ACP1: variants seen among roughly 807,000 people sequenced by gnomAD.
The protein encoded by ACP1 is low molecular weight phosphotyrosine protein phosphatase.
In ACP1, 23 loss-of-function variants were observed where a neutral mutation model predicts 23.4. That is an observed-to-expected ratio of 0.98 (90% CI 0.71 to 1.39). ACP1 has a LOEUF of 1.39. Among genes scored for constraint, ACP1 ranks in the 40% most tolerant of loss-of-function variants. The probability of loss-of-function intolerance (pLI) is 0.00; values close to 1 mark genes in which losing one functional copy is unlikely to be tolerated. For missense variants in ACP1, 180 were observed against 197.7 expected, an observed-to-expected ratio of 0.91 and a Z score of 0.54; for synonymous variants, 72 against 67.2, an observed-to-expected ratio of 1.07 and a Z score of -0.35.
chr2:275,239 C>T, intron 4 of ACP1, 38 bp downstream of exon 4: 2 of 1,203,012 alleles, frequency 1.7e-6, no homozygotes, highest in East Asian at 2.4e-5. Flanking sequence ...GTTCAACTCT[C>T]AGTTCAGCAG....
chr2:269,728 C>G, intron 1 of ACP1, among the ~76,000 whole-genome samples: 1 of 152,164 alleles, frequency 6.6e-6, no homozygotes, highest in East Asian at 1.9e-4. Context: ...AGCCATAAAA[C>G]CTAGAAAGAT....
intron 1 of ACP1, among the ~76,000 whole-genome samples, chr2:265,448 A>C (rs1334673453): frequency 1.3e-5 from 2 of 152,330 alleles, no homozygotes; most frequent in Non-Finnish European, 2.9e-5. Context: ...TCTGAGTTAA[A>C]GGGAGATGAA....
In ACP1 at chr2:264,990, T is replaced by C; in HGVS notation, c.26T>C (p.Val9Ala). 1 of 1,613,200 alleles carries C rather than the reference T, an allele frequency of 6.2e-7. No individual in the cohort carries two copies. Among genetic ancestry groups the C allele is most frequent in the Non-Finnish European group, 8.5e-7 (1 of 1,179,622 alleles). Residue 9 changes from valine to alanine, a missense_variant, in exon 1 of 6, where the codon GTG (valine) becomes GCG (alanine). Transcript: ENST00000272065. ...ATGGCGGAACAGGCTACCAAGTCCG[T>C]GCTGTTTGTGTGTCTGGGTAAGAGG... The part of the protein sequence containing the change: MAEQATKS[V>A]LFVCLGNICR...
chr2:277,019 A>G lies in ACP1; in HGVS notation c.333A>G (p.Lys111=), dbSNP rs1324591404. ...NRKSNQVKTC[K]AKIELLGSYD... ...AAAGTAATCAAGTTAAAACCTGCAA[A>G]GCTAAAATTGAACTACTTGGGAGCT... is the stretch of plus-strand genomic sequence containing the variant. Residue 111 remains lysine, a synonymous_variant, in exon 5 of 6, where the codon AAA becomes AAG. Transcript: ENST00000272065. The G allele has an allele frequency of 6.2e-7, 1 of 1,611,942 alleles. No individual in the cohort carries two copies. The highest frequency in any genetic ancestry group is 8.5e-7 in the Non-Finnish European group (1 of 1,179,130).
chr2:277,132 T>G, intron 5 of ACP1, 47 bp downstream of exon 5: 1 of 1,571,726 alleles, frequency 6.4e-7, no homozygotes, highest in Non-Finnish European at 8.8e-7. Context: ...CCCAACACAT[T>G]TGTATCCTGC....
At chr2:269,888 C>T (rs1443531697) in intron 1 of ACP1, among the ~76,000 whole-genome samples, 1 of 152,212 alleles carries the variant, frequency 6.6e-6, no homozygotes, top group East Asian at 1.9e-4. Context: ...TTCTACACAG[C>T]TGTGCATTGG....
chr2:268,023 G>T (rs1482432024), intron 1 of ACP1, among the ~76,000 whole-genome samples: 1 of 152,158 alleles, frequency 6.6e-6, no homozygotes, highest in Non-Finnish European at 1.5e-5. Flanking sequence ...GTACATAAAG[G>T]CAGTGGACCA....
intron 1 of ACP1, among the ~76,000 whole-genome samples, chr2:267,644 A>G (rs74425679): frequency 0.018 from 2,757 of 152,330 alleles, 35 homozygotes; most frequent in Middle Eastern, 0.065. Flanking sequence ...CTCAGTCAGG[A>G]TTCCTCATCT....
rs751430735 is a variant in ACP1, at chr2:272,053, C to G, written c.134C>G (p.Ala45Gly). ...NISENWRVDS[A>G]ATSGYEIGNP... ...CCCCTGCAGTGGAGGGTAGACAGCG[C>G]GGCAACTTCCGGGTATGAGATAGGG... The change falls in exon 3 of 6, where the codon GCG becomes GGG. Residue 45 changes from alanine (A) to glycine (G), a missense_variant. Physicochemically the swap from Ala to Gly is moderately conservative, Grantham distance 60. Coordinates refer to ENST00000272065, the MANE Select transcript of ACP1 (RefSeq NM_004300.4). The G allele has an allele frequency of 1.2e-6, 2 of 1,613,656 alleles. No homozygotes were observed. Among genetic ancestry groups the G allele is most frequent in the East Asian group, 2.2e-5 (1 of 44,872 alleles).
At chr2:266,871 G>T (rs917735762) in intron 1 of ACP1, among the ~76,000 whole-genome samples, 1 of 151,742 alleles carries the variant, frequency 6.6e-6, no homozygotes. Context: ...TCTCTTTGCC[G>T]TATCTGAATT....
intron 1 of ACP1, among the ~76,000 whole-genome samples, chr2:271,011 A>T (rs1477896663): frequency 1.3e-5 from 2 of 152,162 alleles, no homozygotes. Flanking sequence ...TAAAGTAAGG[A>T]TGGCCCTGAT....
At chr2:271,288 T>A (rs1366087852) in intron 1 of ACP1, among the ~76,000 whole-genome samples, 2 of 152,182 alleles carry the variant, frequency 1.3e-5, no homozygotes, top group African/African-American at 4.8e-5. Context: ...GGAATTTTTT[T>A]AATCAAGCAC....
At chr2:276,775 T>C (rs1670184967) in intron 4 of ACP1, among the ~76,000 whole-genome samples, 1 of 152,196 alleles carries the variant, frequency 6.6e-6, no homozygotes, top group African/African-American at 2.4e-5. Context: ...AATAAGCTGC[T>C]GTCGCAAACT....
At chr2:276,503 CTA>C (rs1226773597) in intron 4 of ACP1, among the ~76,000 whole-genome samples, 1 of 152,076 alleles carries the variant, frequency 6.6e-6, no homozygotes, top group African/African-American at 2.4e-5. Flanking sequence ...GGGTGGAAGT[CTA>C]GAGTGAAGCT....
intron 1 of ACP1, among the ~76,000 whole-genome samples, chr2:268,986 G>A (rs2952783): frequency 4.6e-5 from 7 of 152,148 alleles, no homozygotes; most frequent in Non-Finnish European, 8.8e-5. Context: ...ATTTGTAAAC[G>A]TGTGGGGCTA....
intron 1 of ACP1, among the ~76,000 whole-genome samples, chr2:271,549 G>A (rs1056758606): frequency 5.3e-5 from 8 of 151,974 alleles, no homozygotes; most frequent in Non-Finnish European, 8.8e-5. Flanking sequence ...CTTCATTTTC[G>A]TGATTCACTC....
intron 1 of ACP1, 188 bp downstream of exon 1, chr2:265,195 C>G: frequency 1.7e-6 from 1 of 584,368 alleles, no homozygotes; most frequent in Non-Finnish European, 2.8e-6. Context: ...ACCCGCCCAG[C>G]CTGCCCGCTA....
intron 1 of ACP1, among the ~76,000 whole-genome samples, 161 bp from the exon 2 acceptor site, chr2:271,705 A>G (rs539679421): frequency 1.3e-5 from 2 of 152,174 alleles, no homozygotes; most frequent in South Asian, 4.1e-4. Context: ...AGCAGGGTCT[A>G]CCCTCACTGG....
At chr2:273,095 G>A (rs895364450) in intron 3 of ACP1, 1 of 154,452 alleles carries the variant, frequency 6.5e-6, no homozygotes, top group African/African-American at 2.4e-5. Flanking sequence ...ATCGTCCTGT[G>A]GTAGAAGGTG....
Sources: gnomAD v4.1 joint callset for allele counts (sites outside exome capture counted in the v4.1 genomes callset) on GRCh38, gnomAD v4.1.1 for gene constraint, MANE v1.5 for transcripts, NCBI Gene and HGNC (gene_info 2026-07-23, HGNC 2026-07-21) for gene names.